ANKRD29: variants seen among roughly 807,000 people sequenced by gnomAD.
ANKRD29 encodes the protein ankyrin repeat domain 29.
Under a neutral mutation model 38.0 loss-of-function variants are expected in ANKRD29, and 32 were observed. The observed-to-expected ratio is 0.84, with a 90% CI of 0.64 to 1.13. The LOEUF is 1.13. Ranked by LOEUF, ANKRD29 falls within the 50% of genes most tolerant of loss-of-function variation. ANKRD29 has a pLI of 0.00. For missense variants in ANKRD29, 357 were observed against 377.9 expected (o/e 0.94, Z 0.46); for synonymous variants, 135 against 152.4 (o/e 0.89, Z 0.84).
intron 9 of ANKRD29, among the ~76,000 whole-genome samples, chr18:23,604,959 C>T (rs561965213): frequency 3.9e-5 from 6 of 152,214 alleles, no homozygotes; most frequent in South Asian, 4.2e-4. Flanking sequence ...CTTATTCTGT[C>T]GCCCAGGCTG....
At chr18:23,639,072 T>C in intron 3 of ANKRD29, 125 bp from the exon 4 acceptor site, 5 of 610,650 alleles carry the variant, frequency 8.2e-6, no homozygotes, top group Non-Finnish European at 1.3e-5. Context: ...AGGGGCTAAA[T>C]TTGAACAGAT....
At chr18:23,621,881 G>C (rs2059801504) in intron 6 of ANKRD29, among the ~76,000 whole-genome samples, 1 of 151,644 alleles carries the variant, frequency 6.6e-6, no homozygotes, top group South Asian at 2.1e-4. Flanking sequence ...ATGGGGCCTT[G>C]CTTTGTTGCC....
chr18:23,635,307 A>C (rs1211777201), intron 4 of ANKRD29, among the ~76,000 whole-genome samples: 1 of 151,042 alleles, frequency 6.6e-6, no homozygotes, highest in Non-Finnish European at 1.5e-5. Flanking sequence ...AAAAAAAAAA[A>C]CCCAACTAAG....
At chr18:23,616,768 C>A (rs1055753478) in intron 8 of ANKRD29, among the ~76,000 whole-genome samples, 1 of 145,192 alleles carries the variant, frequency 6.9e-6, no homozygotes, top group African/African-American at 2.5e-5. Context: ...GTAAGCATTA[C>A]TATTAATATA....
intron 4 of ANKRD29, among the ~76,000 whole-genome samples, chr18:23,638,090 C>T (rs983784046): frequency 4.6e-5 from 7 of 150,806 alleles, no homozygotes; most frequent in South Asian, 4.2e-4. Context: ...CTCTGCCTCC[C>T]GGGTTCAAGT....
At chr18:23,649,512 T>C (rs1330597403) in intron 1 of ANKRD29, 1 of 561,454 alleles carries the variant, frequency 1.8e-6, no homozygotes, top group Admixed American at 2.2e-5. Flanking sequence ...TTGAAATGAA[T>C]TTTCCTCCAT....
intron 9 of ANKRD29, among the ~76,000 whole-genome samples, chr18:23,610,000 AC>A (rs1356557941): frequency 1.3e-5 from 2 of 152,232 alleles, no homozygotes; most frequent in African/African-American, 4.8e-5. Flanking sequence ...TTTAACTGGC[AC>A]TTCTTAAGGT....
At chr18:23,650,574 A>G (rs2060197986) in intron 1 of ANKRD29, among the ~76,000 whole-genome samples, 1 of 152,176 alleles carries the variant, frequency 6.6e-6, no homozygotes, top group African/African-American at 2.4e-5. Flanking sequence ...AAAATAATTG[A>G]TATGAGTTTG....
intron 2 of ANKRD29, chr18:23,647,324 T>C (rs757633325): frequency 2.0e-5 from 3 of 152,208 alleles, no homozygotes; most frequent in Non-Finnish European, 2.9e-5. Context: ...AACATAGTAA[T>C]GGTAGATATT....
chr18:23,601,305 T>C lies in ANKRD29; in HGVS notation c.827A>G (p.Asn276Ser), dbSNP rs746895203. The C allele has an allele frequency of 2.8e-5, 45 of 1,613,966 alleles. No homozygotes were observed. The highest frequency in any genetic ancestry group is 3.6e-5 in the Non-Finnish European group (43 of 1,179,976). Residue 276 changes from asparagine to serine, a missense_variant, in exon 10 of 10, where the codon AAT (asparagine) becomes AGT (serine). By Grantham distance (46) the Asn-to-Ser change is conservative. Transcript: ENST00000592179. The stretch of plus-strand genomic sequence containing the variant: ...TTTGGTTAGTTCTGCCGGAAGTTCA[T>C]TGGCCTGAAAGAAGAGAAGATGGGC... Reference protein sequence around the residue: ...GADPSLRNKANELPAELTKNE... With the variant: ...GADPSLRNKASELPAELTKNE...
At chr18:23,654,998 A>G (rs1312588534) in intron 1 of ANKRD29, among the ~76,000 whole-genome samples, 1 of 152,206 alleles carries the variant, frequency 6.6e-6, no homozygotes, top group Non-Finnish European at 1.5e-5. Context: ...TCAATAATGA[A>G]TTTCTATGAT....
chr18:23,653,747 T>A (rs1028542466), intron 1 of ANKRD29, among the ~76,000 whole-genome samples: 15 of 151,906 alleles, frequency 9.9e-5, no homozygotes, highest in African/African-American at 3.6e-4. Context: ...ATTTTTGTAT[T>A]TTTGGTAGAG....
intron 5 of ANKRD29, among the ~76,000 whole-genome samples, chr18:23,631,676 C>T (rs756954098): frequency 1.3e-5 from 2 of 152,232 alleles, no homozygotes; most frequent in Admixed American, 6.5e-5. Flanking sequence ...CAGACACCAA[C>T]AACACCTATA....
chr18:23,619,829 G>C (rs2059774112), intron 6 of ANKRD29, 200 bp from the exon 7 acceptor site: 1 of 497,700 alleles, frequency 2.0e-6, no homozygotes, highest in Non-Finnish European at 3.5e-6. Context: ...GGACGCAGAC[G>C]GCACGTGGCT....
At chr18:23,617,593 A>G (rs2059741080) in intron 8 of ANKRD29, 139 bp downstream of exon 8, 5 of 544,854 alleles carry the variant, frequency 9.2e-6, no homozygotes, top group Middle Eastern at 2.8e-4. Context: ...GATCTCCAGC[A>G]TCAAGAAGCT....
chr18:23,637,439 C>T (rs990053750), intron 4 of ANKRD29, among the ~76,000 whole-genome samples: 1 of 152,006 alleles, frequency 6.6e-6, no homozygotes, highest in African/African-American at 2.4e-5. Flanking sequence ...CCTTTGTGAC[C>T]CAGGCTGGAG....
intron 1 of ANKRD29, 109 bp downstream of exon 1, chr18:23,662,601 G>C (rs557332881): frequency 1.3e-6 from 1 of 769,038 alleles, no homozygotes. Context: ...GAGGCGGCGG[G>C]CAGCGGGCAG....
chr18:23,634,463 T>C (rs964903240), intron 4 of ANKRD29, among the ~76,000 whole-genome samples: 4 of 151,988 alleles, frequency 2.6e-5, no homozygotes, highest in African/African-American at 7.3e-5. Context: ...TTAATTTTTG[T>C]ATTTTTAGAA....
intron 4 of ANKRD29, among the ~76,000 whole-genome samples, chr18:23,637,054 G>C (rs1209572640): frequency 1.3e-5 from 2 of 151,886 alleles, no homozygotes; most frequent in African/African-American, 4.8e-5. Context: ...CTCATCCTGA[G>C]TTCCATGTTC....
Sources: allele counts gnomAD v4.1 joint callset (sites outside exome capture counted in the v4.1 genomes callset), GRCh38; gene constraint gnomAD v4.1.1; transcripts MANE v1.5; gene names NCBI Gene and HGNC (gene_info 2026-07-23, HGNC 2026-07-21).